Variants in ZDHHC23 observed in about 807,000 individuals in gnomAD.
ZDHHC23 encodes the protein palmitoyltransferase ZDHHC23.
A neutral mutation model predicts 40.2 loss-of-function variants in ZDHHC23; 41 were observed. That is an observed-to-expected ratio of 1.02 (90% CI 0.79 to 1.32). ZDHHC23 has a LOEUF of 1.32. Ranked by LOEUF, ZDHHC23 falls within the 40% of genes most tolerant of loss-of-function variation. ZDHHC23 has a pLI of 0.00. For missense variants in ZDHHC23, 471 were observed against 541.5 expected, an observed-to-expected ratio of 0.87 and a Z score of 1.29; for synonymous variants, 204 against 210.2, an observed-to-expected ratio of 0.97 and a Z score of 0.26.
chr3:113,971,016 C>T, the ZDHHC23 span, among the ~76,000 whole-genome samples: 29 of 151,998 alleles, frequency 1.9e-4, 1 homozygote, highest in Admixed American at 1.4e-3. Flanking sequence ...TGAATAGTGC[C>T]GCAATAAACA....
chr3:113,958,277 A>T, intron 4 of ZDHHC23, 86 bp from the exon 5 acceptor site: 2 of 1,290,718 alleles, frequency 1.5e-6, no homozygotes, highest in Non-Finnish European at 2.2e-6. Flanking sequence ...AGTAATAAGT[A>T]AAAAAATGTG....
At position 113,958,428 on chromosome 3, in the gene ZDHHC23, T is replaced by A; in HGVS notation, c.1106T>A (p.Phe369Tyr). The A allele has an allele frequency of 6.2e-7, 1 of 1,614,168 alleles. No individual in the cohort carries two copies. The highest frequency in any genetic ancestry group is 8.5e-7 in the Non-Finnish European group (1 of 1,180,028). Residue 369 changes from phenylalanine to tyrosine, a missense_variant, in exon 5 of 5, where the codon TTC (phenylalanine) becomes TAC (tyrosine). Transcript: ENST00000638807. ...ATCACAGCAGGCATGGCCTACATCT[T>A]CCTGATCCAGCTGATCAACATCAGC... ...VIITAGMAYI[F>Y]LIQLINISYN...
At chr3:113,970,220 ATTTG>A (rs202118576), downstream of ZDHHC23, among the ~76,000 whole-genome samples, 2,697 of 152,236 alleles carry the variant, frequency 0.018, 58 homozygotes, top group African/African-American at 0.06. Context: ...ACTTTACTGA[ATTTG>A]TTTGTCAGAT....
At chr3:113,965,385 T>G (rs1940017365), downstream of ZDHHC23, 5 of 1,466,120 alleles carry the variant, frequency 3.4e-6, no homozygotes, top group Non-Finnish European at 4.6e-6. Context: ...AGGAAAAAAG[T>G]GAAATGTTGA....
downstream of ZDHHC23, among the ~76,000 whole-genome samples, chr3:113,967,619 T>G (rs1359699140): frequency 6.6e-6 from 1 of 152,150 alleles, no homozygotes; most frequent in East Asian, 1.9e-4. Context: ...CTTAAATATT[T>G]ATCTTTTATT....
At chr3:113,967,835 C>G (rs1940369913), downstream of ZDHHC23, among the ~76,000 whole-genome samples, 1 of 152,190 alleles carries the variant, frequency 6.6e-6, no homozygotes, top group African/African-American at 2.4e-5. Context: ...AATGTATTCT[C>G]TATCTTCATG....
Position 113,953,720 on chromosome 3 carries a change from T to C in ZDHHC23, c.182T>C (p.Leu61Ser). 5 of 1,613,726 alleles carry C rather than the reference T, an allele frequency of 3.1e-6. No individual in the cohort carries two copies. The highest frequency in any genetic ancestry group is 1.1e-5 in the South Asian group (1 of 90,998). The change falls in exon 3 of 5, where the codon TTA (leucine) becomes TCA (serine). Residue 61 changes from leucine (L) to serine (S), a missense_variant. This residue lies in a region of ZDHHC23 where 42 missense variants were observed against 73.9 expected (regional missense o/e 0.57). Coordinates refer to ENST00000638807, the MANE Select transcript of ZDHHC23 (RefSeq NM_001320466.2). The part of the protein sequence containing the change: ...GCDRWITCKS[L>S]QPETCERIMD... ...AATAGATGGATTACATGTAAATCTTTACAGCCAGAGACTTGTGAAAGAATC... is the reference window on the plus strand; with the variant it reads ...AATAGATGGATTACATGTAAATCTTCACAGCCAGAGACTTGTGAAAGAATC...
Position 113,960,717 on chromosome 3 carries a change from T to C in ZDHHC23, c.*2087T>C. 1 of 1,595,126 alleles carries C rather than the reference T, an allele frequency of 6.3e-7. No homozygotes were observed. Among genetic ancestry groups the C allele is most frequent in the Non-Finnish European group, 8.5e-7 (1 of 1,173,322 alleles). On this transcript the variant is annotated 3_prime_UTR_variant, in exon 5 of 5. Transcript: ENST00000638807. The stretch of plus-strand genomic sequence containing the variant: ...ATTTTTTTTAACAACTTACCTCTAA[T>C]AGGGTTACTTGGATGAGCCAACTCC...
At chr3:113,957,710 G>A (rs561906782) in intron 4 of ZDHHC23, 13 of 517,504 alleles carry the variant, frequency 2.5e-5, no homozygotes, top group South Asian at 7.0e-5. Flanking sequence ...CTTAATTTGC[G>A]AATGTTGGAA....
downstream of ZDHHC23, among the ~76,000 whole-genome samples, chr3:113,969,471 C>CA (rs200324583): frequency 9.9e-4 from 151 of 152,280 alleles, 3 homozygotes; most frequent in East Asian, 0.015. Context: ...CTAGTAGTCT[C>CA]ATAGTTTCTG....
At chr3:113,956,160 T>G (rs1343568685) in intron 3 of ZDHHC23, among the ~76,000 whole-genome samples, 179 bp from the exon 4 acceptor site, 1 of 152,146 alleles carries the variant, frequency 6.6e-6, no homozygotes, top group Non-Finnish European at 1.5e-5. Flanking sequence ...GAGAATTGCT[T>G]AACCGGGACC....
At position 113,959,596 on chromosome 3, in the gene ZDHHC23, T is replaced by C. The variant is rs1172769644; in HGVS notation, c.*966T>C. On this transcript the variant is annotated 3_prime_UTR_variant, in exon 5 of 5. Coordinates refer to ENST00000638807, the MANE Select transcript of ZDHHC23 (RefSeq NM_001320466.2). Reference sequence around the variant, plus strand: ...TCCTGTGGGGATGCTTTACTCTCTTTTCTGGTAGGAAGGCTGAGTAACATC... The same window carrying C: ...TCCTGTGGGGATGCTTTACTCTCTTCTCTGGTAGGAAGGCTGAGTAACATC... 1 of 1,214,976 alleles carries C rather than the reference T, an allele frequency of 8.2e-7. No homozygotes were observed. The highest frequency in any genetic ancestry group is 1.1e-6 in the Non-Finnish European group (1 of 934,038). The allele number at this position is 1,214,976 out of a possible 1,614,324, so 75.3% of individuals were successfully genotyped here.
In ZDHHC23 at chr3:113,959,475, C is replaced by A. The variant is rs1052775675; in HGVS notation, c.*845C>A. 4 of 1,268,642 alleles carry A rather than the reference C, an allele frequency of 3.2e-6. No homozygotes were observed. The Admixed American group carries it at 9.2e-5, about 29-fold the overall frequency. The allele number at this position is 1,268,642 out of a possible 1,614,324, so 78.6% of individuals were successfully genotyped here. A position where few individuals can be genotyped will look rare whatever the true frequency, so the allele number is the denominator to read the frequency against. The stretch of plus-strand genomic sequence containing the variant: ...TTCTGCTTGGGTTTCTTATAAATAA[C>A]TCCAACAGGCATTCATGTGTTTTTC... On this transcript the variant is annotated 3_prime_UTR_variant, in exon 5 of 5. Transcript: ENST00000638807.
chr3:113,953,111 T>TA (rs1371288299), intron 2 of ZDHHC23, among the ~76,000 whole-genome samples: 1 of 152,250 alleles, frequency 6.6e-6, no homozygotes, highest in Non-Finnish European at 1.5e-5. Flanking sequence ...CCTGTGGGAC[T>TA]AGTCTACTCC....
chr3:113,948,736 T>C lies in ZDHHC23; in HGVS notation c.-67T>C. The C allele has an allele frequency of 6.3e-7, 1 of 1,586,876 alleles. No individual in the cohort carries two copies. The highest frequency in any genetic ancestry group is 8.6e-7 in the Non-Finnish European group (1 of 1,159,336). On this transcript the variant is annotated 5_prime_UTR_variant, in exon 2 of 5. An upstream open reading frame in the 5' UTR loses its in-frame stop. Coordinates refer to ENST00000638807, the MANE Select transcript of ZDHHC23 (RefSeq NM_001320466.2). ...GAGGCGTGGACCTATTTACGAGATG[T>C]AAGTTGTGTTCTTTCCACCTTTACC...
the ZDHHC23 span, among the ~76,000 whole-genome samples, chr3:113,976,262 G>GT: frequency 6.7e-4 from 101 of 150,260 alleles, 1 homozygote; most frequent in East Asian, 0.019. Flanking sequence ...TTGTCTCAGG[G>GT]TAAAAAAAAA....
At chr3:113,952,920 C>T (rs1047250314) in intron 2 of ZDHHC23, among the ~76,000 whole-genome samples, 2 of 152,176 alleles carry the variant, frequency 1.3e-5, no homozygotes, top group African/African-American at 4.8e-5. Flanking sequence ...CTAGAGGCCC[C>T]GTCTCTTAAT....
At chr3:113,956,934 C>T (rs1321588039) in intron 4 of ZDHHC23, among the ~76,000 whole-genome samples, 1 of 152,226 alleles carries the variant, frequency 6.6e-6, no homozygotes, top group Non-Finnish European at 1.5e-5. Context: ...TCTTAATTTA[C>T]TGCTTCCGAC....
Position 113,960,899 on chromosome 3 carries a change from C to CA in ZDHHC23, c.*2270dup, listed in dbSNP as rs1388113242. The CA allele has an allele frequency of 2.7e-6, 3 of 1,098,812 alleles. No individual in the cohort carries two copies. In the East Asian group the frequency reaches 9.1e-5, roughly 33 times the overall value. The allele number at this position is 1,098,812 out of a possible 1,614,324, so 68.1% of individuals were successfully genotyped here. A position where few individuals can be genotyped will look rare whatever the true frequency, so the allele number is the denominator to read the frequency against. ...TGATCTTGTGTGGGAAAAGCCTTCCCAGGCGTCTGTACCGAAAGGAGCAGC... is the reference window on the plus strand; with the variant it reads ...TGATCTTGTGTGGGAAAAGCCTTCCCAAGGCGTCTGTACCGAAAGGAGCAGC... On this transcript the variant is annotated 3_prime_UTR_variant, in exon 5 of 5. Transcript: ENST00000638807.
Sources: gnomAD v4.1 joint callset for allele counts (sites outside exome capture counted in the v4.1 genomes callset) on GRCh38, gnomAD v4.1.1 for gene constraint, gnomAD v4.1.1 regional missense constraint, MANE v1.5 for transcripts, NCBI Gene and HGNC (gene_info 2026-07-23, HGNC 2026-07-21) for gene names.